MRPS2: variants seen among roughly 807,000 people sequenced by gnomAD.
MRPS2 encodes the protein mitochondrial ribosomal protein S2.
In MRPS2, 13 loss-of-function variants were observed where a neutral mutation model predicts 18.9. The ratio of observed to expected loss-of-function variants is 0.69; its 90% CI spans 0.45 to 1.09. MRPS2 has a LOEUF of 1.09. Among genes scored for constraint, MRPS2 ranks in the 50% least tolerant of loss-of-function variants. The pLI is 0.00. For synonymous variants in MRPS2, 186 were observed against 178.4 expected, an observed-to-expected ratio of 1.04 and a Z score of -0.34; for missense variants, 389 against 421.7, an observed-to-expected ratio of 0.92 and a Z score of 0.68.
chr9:135,504,181 G>T lies in MRPS2; in HGVS notation c.*48G>T. ...AACCACAGCCAAGCCTGTCTGAGCT[G>T]GGAGTCCCCTTCCCCAGCCCTGGGT... On this transcript the variant is annotated 3_prime_UTR_variant, in exon 4 of 4. Transcript: ENST00000241600. This position sits in a 1 kb window ranked among gnomAD's most constrained non-coding sequence, Gnocchi z 4.3. 4 of 1,482,698 alleles carry T rather than the reference G, an allele frequency of 2.7e-6. No individual in the cohort carries two copies. Among genetic ancestry groups the T allele is most frequent in the Non-Finnish European group, 3.6e-6 (4 of 1,115,068 alleles). 91.8% of individuals were successfully genotyped at this position (1,482,698 alleles called of 1,614,324 possible). A position where few individuals can be genotyped will look rare whatever the true frequency, so the allele number is the denominator to read the frequency against.
Position 135,504,021 on chromosome 9 carries a change from C to T in MRPS2, c.779C>T (p.Ala260Val). ...CRLFQTAITRAKEKRQQVEAL... is the reference protein window; with the variant it reads ...CRLFQTAITRVKEKRQQVEAL... ...CTCTTCCAGACGGCCATCACCCGGGCCAAGGAGAAGCGGCAGCAGGTTGAG... is the reference window on the plus strand; with the variant it reads ...CTCTTCCAGACGGCCATCACCCGGGTCAAGGAGAAGCGGCAGCAGGTTGAG... Residue 260 changes from alanine (A) to valine (V), a missense_variant, in exon 4 of 4, where the codon GCC becomes GTC. Coordinates refer to ENST00000241600, the MANE Select transcript of MRPS2 (RefSeq NM_016034.5). The surrounding 1 kb of genome is among the most constrained non-coding windows in gnomAD (Gnocchi z 4.3). The T allele has an allele frequency of 6.2e-7, 1 of 1,613,444 alleles. No homozygotes were observed. Among genetic ancestry groups the T allele is most frequent in the Non-Finnish European group, 8.5e-7 (1 of 1,180,034 alleles).
chr9:135,504,253 G>A lies in MRPS2; in HGVS notation c.*120G>A, dbSNP rs1196988089. 15 of 929,270 alleles carry A rather than the reference G, an allele frequency of 1.6e-5. No homozygotes were observed. The highest frequency in any genetic ancestry group is 2.4e-5 in the Non-Finnish European group (15 of 635,908). 57.6% of individuals were successfully genotyped at this position (929,270 alleles called of 1,614,324 possible). A position where few individuals can be genotyped will look rare whatever the true frequency, so the allele number is the denominator to read the frequency against. On this transcript the variant is annotated 3_prime_UTR_variant, in exon 4 of 4. Transcript: ENST00000241600. This position sits in a 1 kb window ranked among gnomAD's most constrained non-coding sequence, Gnocchi z 4.3. ...TTACTTACTCAGCTGATGTCACAGT[G>A]CAGACATCCACCGTTCCACCACAGA...
intron 2 of MRPS2, chr9:135,501,487 G>T: frequency 1.2e-6 from 1 of 829,966 alleles, no homozygotes; most frequent in Non-Finnish European, 1.6e-6. Context: ...CTCCTGATGG[G>T]GACTTTCTGG....
chr9:135,502,062 A>G, intron 3 of MRPS2, 89 bp downstream of exon 3: 9 of 1,583,592 alleles, frequency 5.7e-6, no homozygotes, highest in East Asian at 4.5e-5. Flanking sequence ...GAACTGGCCT[A>G]TGTCAGTTTT....
upstream of MRPS2, chr9:135,500,178 A>G: frequency 2.5e-6 from 1 of 392,524 alleles, no homozygotes; most frequent in South Asian, 4.1e-5. Context: ...ACGGGGTTTA[A>G]GCACTGCAGG....
rs1406016161 is a variant in MRPS2 at position 135,500,984 on chromosome 9, C to T, written c.44-14C>T. 1.2e-6 allele frequency: 2 copies of T among 1,611,376 alleles called. No homozygotes were observed. Among genetic ancestry groups the T allele is most frequent in the East Asian group, 2.2e-5 (1 of 44,782 alleles). ...CGGGACTCGGCGCCAGGACCTCTAT[C>T]TACTTCCCCCCAGGTGCCCGGGCCC... On this transcript the variant is annotated splice_polypyrimidine_tract_variant and intron_variant, in intron 1 of 3. Transcript: ENST00000241600.
chr9:135,502,229 G>A (rs1453952625), intron 3 of MRPS2: 2 of 1,299,152 alleles, frequency 1.5e-6, no homozygotes, highest in Non-Finnish European at 2.0e-6. Flanking sequence ...GGACTCCACG[G>A]GTTCAGAAAT....
chr9:135,503,589 T>A lies in MRPS2; in HGVS notation c.347T>A (p.Ile116Asn). 6.2e-7 allele frequency: 1 copy of A among 1,613,650 alleles called. No individual in the cohort carries two copies. Among genetic ancestry groups the A allele is most frequent in the Non-Finnish European group, 8.5e-7 (1 of 1,179,992 alleles). Residue 116 changes from isoleucine (I) to asparagine (N), a missense_variant, in exon 4 of 4, where the codon ATC (isoleucine) becomes AAC (asparagine). Transcript: ENST00000241600. The part of the protein sequence containing the change: ...IFGSRLDHDI[I>N]DLEQTATHLQ... ...GGGAGCCGCCTGGACCACGACATCATCGACCTGGAACAGACAGCCACGCAC... is the reference window on the plus strand; with the variant it reads ...GGGAGCCGCCTGGACCACGACATCAACGACCTGGAACAGACAGCCACGCAC...
chr9:135,503,467 T>C, intron 3 of MRPS2, 75 bp from the exon 4 acceptor site: 1 of 1,478,568 alleles, frequency 6.8e-7, no homozygotes, highest in Non-Finnish European at 9.1e-7. Flanking sequence ...GGTGGGCGTC[T>C]GTGTTCCTGC....
At chr9:135,503,227 G>T in intron 3 of MRPS2, 1 of 1,190,740 alleles carries the variant, frequency 8.4e-7, no homozygotes, top group East Asian at 4.7e-5. Flanking sequence ...TGAGCTGCAC[G>T]GGGCAGAATG....
At chr9:135,500,830 G>A (rs1024486090) in intron 1 of MRPS2, 77 bp downstream of exon 1, 13 of 1,487,608 alleles carry the variant, frequency 8.7e-6, no homozygotes, top group Non-Finnish European at 1.1e-5. Flanking sequence ...CGATGGAGCG[G>A]CGGGGACGTG....
rs765845757 is a variant in MRPS2 at position 135,503,761 on chromosome 9, C to T, written c.519C>T (p.Gly173=). The part of the protein sequence containing the change: ...GEYAHTRYFR[G]GMLTNARLLF... Reference sequence around the variant, plus strand: ...ACGCCCACACTCGCTACTTCAGGGGCGGCATGCTGACCAACGCGCGCCTCC... The same window carrying T: ...ACGCCCACACTCGCTACTTCAGGGGTGGCATGCTGACCAACGCGCGCCTCC... The change falls in exon 4 of 4, where the codon GGC becomes GGT. Residue 173 remains glycine, a synonymous_variant. Coordinates refer to ENST00000241600, the MANE Select transcript of MRPS2 (RefSeq NM_016034.5). 75 of 1,612,658 alleles carry T rather than the reference C, an allele frequency of 4.7e-5. 2 individuals are homozygous for T. In the South Asian group the frequency reaches 6.1e-4, roughly 13 times the overall value.
chr9:135,500,536 G>T (rs1831085919), upstream of MRPS2: 1 of 599,324 alleles, frequency 1.7e-6, no homozygotes, highest in East Asian at 3.5e-5. Context: ...CCAGGACCCC[G>T]GGCCCTGACC....
At position 135,500,752 on chromosome 9, in the gene MRPS2, G is replaced by C. The variant is rs200136647; in HGVS notation, c.42G>C (p.Ala14=). The C allele has an allele frequency of 2.6e-5, 39 of 1,478,430 alleles. No individual in the cohort carries two copies. Among genetic ancestry groups the C allele is most frequent in the Admixed American group, 7.2e-5 (3 of 41,470 alleles). The allele number at this position is 1,478,430 out of a possible 1,614,324, so 91.6% of individuals were successfully genotyped here. The change falls in exon 1 of 4, where the codon GCG becomes GCC. Residue 14 remains alanine, a splice_region_variant and synonymous_variant. Coordinates refer to ENST00000241600, the MANE Select transcript of MRPS2 (RefSeq NM_016034.5). ...CCGCGCTGCCCCGAATACTCGGCGC[G>C]GGTGAGCGCGCGCTTGCGGGACCCT... ...SSAALPRILG[A]GARAPSRWLG... is the part of the protein sequence containing the mutation.
At chr9:135,502,203 C>T in intron 3 of MRPS2, 1 of 1,349,052 alleles carries the variant, frequency 7.4e-7, no homozygotes, top group Non-Finnish European at 9.6e-7. Flanking sequence ...ATAGGGCAGG[C>T]CTGCTGGGGG....
Position 135,501,983 on chromosome 9 carries a change from AC to A in MRPS2, c.299+15del. The A allele has an allele frequency of 6.2e-7, 1 of 1,613,036 alleles. No homozygotes were observed. The highest frequency in any genetic ancestry group is 8.5e-7 in the Non-Finnish European group (1 of 1,179,896). ...CTGGCTGTCGGCACAGGTAGGTGAC[AC>A]CCCCATCTGAGCCCGGGGCGGTTCC... is the stretch of plus-strand genomic sequence containing the variant. On this transcript the variant is annotated intron_variant, in intron 3 of 3. Transcript: ENST00000241600.
At chr9:135,502,718 TC>T (rs1685027599) in intron 3 of MRPS2, 1 of 153,026 alleles carries the variant, frequency 6.5e-6, no homozygotes, top group African/African-American at 2.4e-5. Flanking sequence ...GCCATCAGCA[TC>T]GGGGGCTGGC....
At chr9:135,501,203 C>T (rs1480635329) in intron 2 of MRPS2, 80 bp downstream of exon 2, 4 of 1,468,538 alleles carry the variant, frequency 2.7e-6, no homozygotes, top group South Asian at 1.4e-5. Flanking sequence ...CTAGAGGGGC[C>T]TGGGCGCTGC....
chr9:135,503,740 C>T lies in MRPS2; in HGVS notation c.498C>T (p.Ala166=). Residue 166 remains alanine, a synonymous_variant, in exon 4 of 4, where the codon GCC becomes GCT. Coordinates refer to ENST00000241600, the MANE Select transcript of MRPS2 (RefSeq NM_016034.5). The part of the protein sequence containing the change: ...ENMARDCGEY[A]HTRYFRGGML... ...TGGCCCGTGACTGTGGCGAGTACGCCCACACTCGCTACTTCAGGGGCGGCA... is the reference window on the plus strand; with the variant it reads ...TGGCCCGTGACTGTGGCGAGTACGCTCACACTCGCTACTTCAGGGGCGGCA... The T allele has an allele frequency of 6.2e-7, 1 of 1,613,186 alleles. No homozygotes were observed. The highest frequency in any genetic ancestry group is 8.5e-7 in the Non-Finnish European group (1 of 1,180,010).
Sources: allele counts gnomAD v4.1 joint callset, GRCh38; gene constraint gnomAD v4.1.1; non-coding constraint Gnocchi (gnomAD v3.1); transcripts MANE v1.5; gene names NCBI Gene and HGNC (gene_info 2026-07-23, HGNC 2026-07-21).